HDAC9: variants seen among roughly 807,000 people sequenced by gnomAD.
HDAC9 encodes the protein MEF-2 interacting transcription repressor (MITR) protein.
In HDAC9, 41 loss-of-function variants were observed where a neutral mutation model predicts 139.4. The ratio of observed to expected loss-of-function variants is 0.29; its 90% CI spans 0.23 to 0.38. HDAC9 has a LOEUF of 0.38. HDAC9 is among the 10% of genes least tolerant of loss of function. The probability of loss-of-function intolerance (pLI) is 1.00; values close to 1 mark genes in which losing one functional copy is unlikely to be tolerated. For synonymous variants in HDAC9, 517 were observed against 476.2 expected (o/e 1.09, Z -1.12); for missense variants, 1,147 against 1,297.0 (o/e 0.88, Z 1.78).
At chr7:18,971,700 T>C (rs767015890) in intron 24 of HDAC9, among the ~76,000 whole-genome samples, 2 of 152,252 alleles carry the variant, frequency 1.3e-5, no homozygotes, top group Admixed American at 6.5e-5. Flanking sequence ...CTTGTTTTTA[T>C]AGACTTTGCC....
chr7:18,886,503 C>T (rs1185331182), intron 22 of HDAC9, among the ~76,000 whole-genome samples: 1 of 152,138 alleles, frequency 6.6e-6, no homozygotes, highest in Non-Finnish European at 1.5e-5. Flanking sequence ...GTCTCTCACA[C>T]TTGATGGTGT....
At chr7:18,926,296 A>T (rs979137544) in intron 22 of HDAC9, among the ~76,000 whole-genome samples, 1 of 152,148 alleles carries the variant, frequency 6.6e-6, no homozygotes, top group African/African-American at 2.4e-5. Context: ...TAAGTGAGCT[A>T]TGATGATGCC....
intron 1 of HDAC9, among the ~76,000 whole-genome samples, chr7:18,333,180 C>G (rs142972528): frequency 1.3e-5 from 2 of 151,438 alleles, no homozygotes; most frequent in South Asian, 2.1e-4. Flanking sequence ...GAGTCAGAGG[C>G]AGTTTTTAAA....
chr7:18,227,868 G>T (rs967249124), intron 2 of HDAC9, among the ~76,000 whole-genome samples: 1 of 152,114 alleles, frequency 6.6e-6, no homozygotes, highest in African/African-American at 2.4e-5. Context: ...CCTATCGGAT[G>T]AATTATACTC....
intron 12 of HDAC9, among the ~76,000 whole-genome samples, chr7:18,726,735 A>G (rs753950125): frequency 3.3e-5 from 5 of 150,788 alleles, no homozygotes; most frequent in Non-Finnish European, 7.4e-5. Flanking sequence ...AAATTTTGAA[A>G]GAATATATAT....
chr7:18,483,149 T>C (rs1795711772), intron 1 of HDAC9, among the ~76,000 whole-genome samples: 1 of 152,134 alleles, frequency 6.6e-6, no homozygotes, highest in Non-Finnish European at 1.5e-5. Flanking sequence ...AGCTAATGGA[T>C]AAGAAATATG....
chr7:18,551,086 T>G (rs1816973281), intron 2 of HDAC9, among the ~76,000 whole-genome samples: 1 of 152,162 alleles, frequency 6.6e-6, no homozygotes, highest in Non-Finnish European at 1.5e-5. Flanking sequence ...GATTTCCTGA[T>G]GAATTTAATA....
At chr7:18,256,522 T>A (rs1171099411) in intron 2 of HDAC9, among the ~76,000 whole-genome samples, 1 of 152,176 alleles carries the variant, frequency 6.6e-6, no homozygotes, top group Non-Finnish European at 1.5e-5. Context: ...TTTCTACCTC[T>A]CCAACTAGTG....
At position 18,175,917 on chromosome 7, in the gene HDAC9, A is replaced by G. The variant is rs533515650; in HGVS notation, c.25+13568A>G. Among the ~76,000 whole-genome samples, 3 of 151,936 alleles carry G rather than the reference A, an allele frequency of 2.0e-5. No individual in the cohort carries two copies. The South Asian group carries it at 6.2e-4, about 32-fold the overall frequency. On this transcript the variant is annotated intron_variant, in intron 2 of 12. Transcript: ENST00000417496. ...ATGTCCAAGAAAATGTTCTCTTCAT[A>G]CCAGTAATGTAGTTCCACTGGAAAG...
chr7:18,266,402 T>C (rs192195380), intron 2 of HDAC9, among the ~76,000 whole-genome samples: 4 of 140,062 alleles, frequency 2.9e-5, no homozygotes, highest in Admixed American at 2.3e-4. Flanking sequence ...AATTGAATCA[T>C]TCAAGTAAAA....
At chr7:18,160,248 G>A (rs1267545841) in intron 1 of HDAC9, among the ~76,000 whole-genome samples, 2 of 152,078 alleles carry the variant, frequency 1.3e-5, no homozygotes, top group Non-Finnish European at 1.5e-5. Context: ...GTTTCCTGTT[G>A]CTTTCTATTC....
In HDAC9 at chr7:18,519,323, AT is replaced by A. The variant is rs1363499099; in HGVS notation, c.22+23005del. Among the ~76,000 whole-genome samples, 4 of 152,186 alleles carry A rather than the reference AT, an allele frequency of 2.6e-5. No individual in the cohort carries two copies. In the East Asian group the frequency reaches 5.8e-4, roughly 22 times the overall value. On this transcript the variant is annotated intron_variant, in intron 2 of 25. Coordinates refer to ENST00000686413, the MANE Select transcript of HDAC9 (RefSeq NM_178425.4). ...AAATTAAATGACAAATTATGACACTATTTTTTATTACATGACAGACAAATAA... is the reference window on the plus strand; with the variant it reads ...AAATTAAATGACAAATTATGACACTATTTTTATTACATGACAGACAAATAA...
At chr7:18,814,634 C>T (rs921370215) in intron 17 of HDAC9, among the ~76,000 whole-genome samples, 62 of 152,118 alleles carry the variant, frequency 4.1e-4, no homozygotes, top group African/African-American at 1.5e-3. Context: ...TGGTCAATTG[C>T]TTTGATGTTC....
Position 18,495,780 on chromosome 7 carries a change from G to T in HDAC9, c.-285G>T. On this transcript the variant is annotated 5_prime_UTR_variant, in exon 1 of 26. Transcript: ENST00000686413. ...AGGCACAGACACAGATAGGAGAAGGGCACCGGCTGGAGCCACTTGCAGGAC... is the reference window on the plus strand; with the variant it reads ...AGGCACAGACACAGATAGGAGAAGGTCACCGGCTGGAGCCACTTGCAGGAC... The T allele has an allele frequency of 3.0e-6, 3 of 996,874 alleles. No homozygotes were observed. Among genetic ancestry groups the T allele is most frequent in the Non-Finnish European group, 3.6e-6 (3 of 837,812 alleles). The allele number at this position is 996,874 out of a possible 1,614,324, so 61.8% of individuals were successfully genotyped here.
intron 14 of HDAC9, among the ~76,000 whole-genome samples, chr7:18,753,211 C>G (rs1403171250): frequency 1.3e-5 from 2 of 152,008 alleles, no homozygotes; most frequent in Admixed American, 6.6e-5. Context: ...TTACAAATTT[C>G]AAAGGGGTTT....
chr7:18,629,494 T>C lies in HDAC9; in HGVS notation c.796+13T>C. Reference sequence around the variant, plus strand: ...TTTGAGGTGACAGGTAATTGAGGACTGGGCAGACCTATGAATGCTGGGAGT... The same window carrying C: ...TTTGAGGTGACAGGTAATTGAGGACCGGGCAGACCTATGAATGCTGGGAGT... On this transcript the variant is annotated intron_variant, in intron 7 of 25. Transcript: ENST00000686413. 2 of 1,608,056 alleles carry C rather than the reference T, an allele frequency of 1.2e-6. No homozygotes were observed. Among genetic ancestry groups the C allele is most frequent in the Non-Finnish European group, 1.7e-6 (2 of 1,176,742 alleles).
intron 2 of HDAC9, among the ~76,000 whole-genome samples, chr7:18,183,065 A>T (rs1789590990): frequency 6.7e-6 from 1 of 149,716 alleles, no homozygotes; most frequent in Admixed American, 6.7e-5. Flanking sequence ...GCTGGAGTGC[A>T]GTGGCGCAAT....
chr7:18,995,947 T>TTTGA, intron 25 of HDAC9, 76 bp from the exon 26 acceptor site: 1 of 1,110,480 alleles, frequency 9.0e-7, no homozygotes, highest in Admixed American at 2.0e-5. Flanking sequence ...AAAAATCAGC[T>TTTGA]TTGATTATGC....
At chr7:18,463,132 T>G (rs1307417276) in intron 1 of HDAC9, among the ~76,000 whole-genome samples, 1 of 152,030 alleles carries the variant, frequency 6.6e-6, no homozygotes, top group Non-Finnish European at 1.5e-5. Flanking sequence ...AACTCATCCT[T>G]AACTTATTTC....
Sources: gnomAD v4.1 joint callset for allele counts (sites outside exome capture counted in the v4.1 genomes callset) on GRCh38, gnomAD v4.1.1 for gene constraint, MANE v1.5 for transcripts, NCBI Gene and HGNC (gene_info 2026-07-23, HGNC 2026-07-21) for gene names.